Variants in GPC5 observed in about 807,000 individuals in gnomAD.
The protein encoded by GPC5 is glypican 5.
A neutral mutation model predicts 53.9 loss-of-function variants in GPC5; 47 were observed. The ratio of observed to expected loss-of-function variants is 0.87; its 90% CI spans 0.69 to 1.11. The LOEUF is 1.11. GPC5 is among the 50% of genes most tolerant of loss of function. GPC5 has a pLI of 0.00. For synonymous variants in GPC5, 286 were observed against 263.3 expected (o/e 1.09, Z -0.84); for missense variants, 748 against 713.1 (o/e 1.05, Z -0.56).
chr13:92,148,078 A>G (rs887847647), intron 7 of GPC5, among the ~76,000 whole-genome samples: 1 of 152,118 alleles, frequency 6.6e-6, no homozygotes, highest in African/African-American at 2.4e-5. Flanking sequence ...TTTGGAAAAT[A>G]TGACATAAAT....
At chr13:91,571,416 T>A (rs971666704) in intron 2 of GPC5, among the ~76,000 whole-genome samples, 12 of 152,108 alleles carry the variant, frequency 7.9e-5, no homozygotes, top group Non-Finnish European at 1.2e-4. Context: ...CATCCTATTT[T>A]AAACTTTTTG....
intron 5 of GPC5, among the ~76,000 whole-genome samples, chr13:91,838,054 A>C (rs1485997285): frequency 6.6e-6 from 1 of 152,180 alleles, no homozygotes; most frequent in African/African-American, 2.4e-5. Flanking sequence ...TGACAAATGG[A>C]GCAGAGAGCC....
At chr13:92,668,384 C>G (rs1320643717) in intron 7 of GPC5, among the ~76,000 whole-genome samples, 2 of 152,264 alleles carry the variant, frequency 1.3e-5, no homozygotes, top group South Asian at 4.1e-4. Flanking sequence ...AAAGTACCAA[C>G]AATCTGCATT....
intron 2 of GPC5, among the ~76,000 whole-genome samples, chr13:91,652,268 G>A (rs73609976): frequency 0.065 from 9,820 of 152,136 alleles, 1,050 homozygotes; most frequent in African/African-American, 0.22. Context: ...AGGTGCACAA[G>A]CAAAACTGGC....
chr13:92,513,742 G>A (rs1629541), intron 7 of GPC5, among the ~76,000 whole-genome samples: 86,430 of 151,776 alleles, frequency 0.57, 25,348 homozygotes, highest in East Asian at 0.75. Context: ...CTTGGGGTTC[G>A]GATCCAAGTC....
At chr13:91,663,132 GACTTATTCTC>G (rs2035024852) in intron 2 of GPC5, among the ~76,000 whole-genome samples, 1 of 152,140 alleles carries the variant, frequency 6.6e-6, no homozygotes, top group African/African-American at 2.4e-5. Flanking sequence ...AAACGTTCTT[GACTTATTCTC>G]TCCAGTACTT....
At chr13:92,215,423 C>T (rs2042402863) in intron 7 of GPC5, among the ~76,000 whole-genome samples, 1 of 152,168 alleles carries the variant, frequency 6.6e-6, no homozygotes. Context: ...AATACATCAA[C>T]ATTTGCTATT....
chr13:92,760,633 A>G (rs2138736486), intron 7 of GPC5, among the ~76,000 whole-genome samples: 1 of 147,374 alleles, frequency 6.8e-6, no homozygotes, highest in East Asian at 2.1e-4. Context: ...TTTTCCTATG[A>G]TTTTTCTTTC....
intron 4 of GPC5, among the ~76,000 whole-genome samples, chr13:91,746,526 A>C (rs1030787821): frequency 6.6e-6 from 1 of 152,196 alleles, no homozygotes; most frequent in Non-Finnish European, 1.5e-5. Context: ...AATATATGAC[A>C]ATTTATAAAT....
At chr13:91,979,472 A>G (rs759668956) in intron 6 of GPC5, among the ~76,000 whole-genome samples, 1 of 152,198 alleles carries the variant, frequency 6.6e-6, no homozygotes, top group Non-Finnish European at 1.5e-5. Context: ...CTACCCTTCT[A>G]AGCACATGAC....
chr13:92,532,012 G>T (rs1881582570), intron 7 of GPC5, among the ~76,000 whole-genome samples: 1 of 152,096 alleles, frequency 6.6e-6, no homozygotes, highest in Non-Finnish European at 1.5e-5. Context: ...TTATATGGTT[G>T]CTTCTTTTTC....
chr13:91,566,399 A>G (rs2031530895), intron 2 of GPC5, among the ~76,000 whole-genome samples: 1 of 152,006 alleles, frequency 6.6e-6, no homozygotes, highest in South Asian at 2.1e-4. Context: ...CCCTGTTTCT[A>G]CTAAAATACA....
intron 6 of GPC5, among the ~76,000 whole-genome samples, chr13:92,124,236 T>A (rs1594772811): frequency 1.1e-5 from 1 of 94,834 alleles, no homozygotes. Flanking sequence ...CCATCTTAAC[T>A]CCGGACAGAA....
intron 7 of GPC5, among the ~76,000 whole-genome samples, chr13:92,500,626 T>A (rs1381794232): frequency 6.6e-6 from 1 of 152,128 alleles, no homozygotes; most frequent in African/African-American, 2.4e-5. Flanking sequence ...TTTTACAATT[T>A]TTCCCCCCAT....
At chr13:91,502,034 T>C (rs754601409) in intron 2 of GPC5, among the ~76,000 whole-genome samples, 100 of 152,260 alleles carry the variant, frequency 6.6e-4, no homozygotes, top group Admixed American at 1.4e-3. Context: ...TTTGGCTGCA[T>C]AAATGTCTTC....
At chr13:91,900,374 C>A (rs905780832) in intron 5 of GPC5, among the ~76,000 whole-genome samples, 14 of 152,054 alleles carry the variant, frequency 9.2e-5, no homozygotes, top group African/African-American at 2.9e-4. Flanking sequence ...CAAATCAGTA[C>A]AAAGTGGTGA....
intron 7 of GPC5, among the ~76,000 whole-genome samples, chr13:92,494,233 G>A (rs997534333): frequency 6.6e-6 from 1 of 151,916 alleles, no homozygotes; most frequent in East Asian, 1.9e-4. Flanking sequence ...GGGACTACAG[G>A]CGCCCGCCAC....
chr13:91,478,903 G>GCACATATATA (rs1883144352), intron 2 of GPC5, among the ~76,000 whole-genome samples: 2 of 64,224 alleles, frequency 3.1e-5, no homozygotes, highest in Admixed American at 1.9e-4. Flanking sequence ...ATATATATAT[G>GCACATATATA]CACATATATA....
At chr13:92,609,971 T>C (rs1042105416) in intron 7 of GPC5, among the ~76,000 whole-genome samples, 4 of 133,364 alleles carry the variant, frequency 3.0e-5, no homozygotes, top group African/African-American at 1.1e-4. Flanking sequence ...GTGGACATTG[T>C]GGTGAGCCTA....
Sources: allele counts gnomAD v4.1 joint callset (sites outside exome capture counted in the v4.1 genomes callset), GRCh38; gene constraint gnomAD v4.1.1; transcripts MANE v1.5; gene names NCBI Gene and HGNC (gene_info 2026-07-23, HGNC 2026-07-21).